Variants in TRAPPC8 observed in about 807,000 individuals in gnomAD.
The protein encoded by TRAPPC8 is trafficking protein particle complex subunit 8.
TRAPPC8 carries 54 observed loss-of-function variants against 174.3 expected under a neutral mutation model. The ratio of observed to expected loss-of-function variants is 0.31; its 90% CI spans 0.25 to 0.39. TRAPPC8 has a LOEUF of 0.39. Ranked by LOEUF, TRAPPC8 falls within the 10% of genes least tolerant of loss-of-function variation. The pLI is 1.00. For synonymous variants in TRAPPC8, 630 were observed against 579.9 expected (o/e 1.09, Z -1.24); for missense variants, 1,531 against 1,699.1 (o/e 0.90, Z 1.74).
intron 16 of TRAPPC8, 54 bp downstream of exon 16, chr18:31,870,318 G>T: frequency 6.6e-7 from 1 of 1,512,668 alleles, no homozygotes; most frequent in Non-Finnish European, 9.0e-7. Flanking sequence ...TGTTACTACA[G>T]CATTTGTTAG....
chr18:31,928,219 C>A, intron 2 of TRAPPC8, among the ~76,000 whole-genome samples: 1 of 150,996 alleles, frequency 6.6e-6, no homozygotes. Context: ...AATACATAGG[C>A]CAGGCACAGT....
intron 19 of TRAPPC8, 97 bp from the exon 20 acceptor site, chr18:31,858,079 G>A: frequency 1.0e-6 from 1 of 1,000,428 alleles, no homozygotes; most frequent in Non-Finnish European, 1.5e-6. Context: ...TTTTACCAAA[G>A]GTTTACAAGT....
intron 9 of TRAPPC8, among the ~76,000 whole-genome samples, chr18:31,902,163 A>ATTT (rs2036456401): frequency 1.3e-5 from 2 of 152,144 alleles, no homozygotes; most frequent in Admixed American, 1.3e-4. Context: ...AATAATACAA[A>ATTT]AATTCCTGAA....
At chr18:31,916,669 A>AT (rs1394973985) in intron 3 of TRAPPC8, among the ~76,000 whole-genome samples, 1 of 152,074 alleles carries the variant, frequency 6.6e-6, no homozygotes, top group Admixed American at 6.5e-5. Flanking sequence ...AGTAGCTGGG[A>AT]TTATAGGCGC....
At chr18:31,923,113 A>T (rs2037460389) in intron 2 of TRAPPC8, among the ~76,000 whole-genome samples, 1 of 152,222 alleles carries the variant, frequency 6.6e-6, no homozygotes, top group Non-Finnish European at 1.5e-5. Context: ...ATGCAGCCCA[A>T]AATATACCAT....
rs1217803988 is a variant in TRAPPC8 at position 31,830,979 on chromosome 18, G to C, written c.4084C>G (p.Leu1362Val). 2 of 1,611,888 alleles carry C rather than the reference G, an allele frequency of 1.2e-6. No homozygotes were observed. The highest frequency in any genetic ancestry group is 1.7e-5 in the Admixed American group (1 of 59,958). ...LRHKTTSPEA[L>V]EIHGSFTWLG... The stretch of plus-strand genomic sequence containing the variant: ...CATGTGAATGATCCATGGATTTCCA[G>C]TGCTTCTGGACTAAGGGAGGAGGAA... Residue 1362 changes from leucine (L) to valine (V), a missense_variant, in exon 29 of 29, where the codon CTG becomes GTG. Physicochemically the swap from Leu to Val is conservative, Grantham distance 32. Coordinates refer to ENST00000283351, the MANE Select transcript of TRAPPC8 (RefSeq NM_014939.5).
intron 12 of TRAPPC8, among the ~76,000 whole-genome samples, chr18:31,879,417 T>A (rs1291658838): frequency 1.3e-5 from 2 of 152,132 alleles, no homozygotes; most frequent in Non-Finnish European, 2.9e-5. Flanking sequence ...TTTAAAAAAA[T>A]TTTGAAACAA....
At chr18:31,915,193 G>A (rs1175018263) in intron 4 of TRAPPC8, among the ~76,000 whole-genome samples, 1 of 152,210 alleles carries the variant, frequency 6.6e-6, no homozygotes, top group Non-Finnish European at 1.5e-5. Context: ...ATAAGGCCAG[G>A]CGAGGTGGCT....
intron 20 of TRAPPC8, among the ~76,000 whole-genome samples, chr18:31,856,174 A>G (rs1402321174): frequency 6.6e-6 from 1 of 151,652 alleles, no homozygotes; most frequent in Non-Finnish European, 1.5e-5. Context: ...GGGTGATCTC[A>G]GCTCACCACT....
Position 31,942,777 on chromosome 18 carries a change from G to T in TRAPPC8, c.-13C>A. 1 of 1,412,732 alleles carries T rather than the reference G, an allele frequency of 7.1e-7. No homozygotes were observed. The highest frequency in any genetic ancestry group is 9.3e-7 in the Non-Finnish European group (1 of 1,074,086). 87.5% of individuals were successfully genotyped at this position (1,412,732 alleles called of 1,614,324 possible). A position where few individuals can be genotyped will look rare whatever the true frequency, so the allele number is the denominator to read the frequency against. On this transcript the variant is annotated 5_prime_UTR_variant, in exon 1 of 29. In the 5' UTR this introduces an upstream ATG that the reference lacks. Transcript: ENST00000283351. ...CACACTGGGCCATCGCCGCAGCACA[G>T]GCAGCGGCGGCGCCCGCCCTCCGGC...
intron 26 of TRAPPC8, among the ~76,000 whole-genome samples, chr18:31,845,362 T>C (rs1029329186): frequency 2.0e-5 from 3 of 151,770 alleles, no homozygotes; most frequent in Non-Finnish European, 4.4e-5. Flanking sequence ...AAAGAGCAAA[T>C]AGTTACATGG....
At chr18:31,926,328 T>A (rs1018660206) in intron 2 of TRAPPC8, 1 of 152,168 alleles carries the variant, frequency 6.6e-6, no homozygotes, top group African/African-American at 2.4e-5. Context: ...AATGAGAATA[T>A]ATGCAGTAAC....
intron 9 of TRAPPC8, among the ~76,000 whole-genome samples, chr18:31,903,602 C>T (rs536114095): frequency 3.9e-5 from 6 of 152,224 alleles, no homozygotes; most frequent in African/African-American, 1.4e-4. Flanking sequence ...GAGCTCACAA[C>T]GGCTTGCCTT....
intron 1 of TRAPPC8, among the ~76,000 whole-genome samples, chr18:31,933,215 G>A (rs934310556): frequency 6.6e-6 from 1 of 150,448 alleles, no homozygotes; most frequent in African/African-American, 2.5e-5. Context: ...GCAGGAGAAT[G>A]GTGTGAACCC....
chr18:31,863,425 G>A (rs1381828888), intron 19 of TRAPPC8, among the ~76,000 whole-genome samples: 2 of 152,028 alleles, frequency 1.3e-5, no homozygotes, highest in African/African-American at 2.4e-5. Flanking sequence ...CTGCAGAATT[G>A]TCTGTATTGA....
chr18:31,895,927 A>G (rs951614522), intron 11 of TRAPPC8: 9 of 152,236 alleles, frequency 5.9e-5, no homozygotes, highest in Non-Finnish European at 1.3e-4. Flanking sequence ...AAACTTTTGT[A>G]GAAGAATTAA....
At chr18:31,864,062 GTATTA>G (rs1568060403) in intron 19 of TRAPPC8, among the ~76,000 whole-genome samples, 1 of 147,464 alleles carries the variant, frequency 6.8e-6, no homozygotes, top group African/African-American at 2.5e-5. Context: ...TTTATATTAT[GTATTA>G]TATAATATAT....
At chr18:31,921,643 CTT>C (rs1318857475) in intron 2 of TRAPPC8, among the ~76,000 whole-genome samples, 1 of 150,434 alleles carries the variant, frequency 6.6e-6, no homozygotes, top group Non-Finnish European at 1.5e-5. Context: ...AAAAAGTTAT[CTT>C]TGAGATTTGA....
intron 28 of TRAPPC8, among the ~76,000 whole-genome samples, chr18:31,831,573 C>T (rs950388432): frequency 6.6e-6 from 1 of 152,000 alleles, no homozygotes; most frequent in Non-Finnish European, 1.5e-5. Flanking sequence ...CTTTTAACTC[C>T]TTAGTTAGCC....
Sources: gnomAD v4.1 joint callset for allele counts (sites outside exome capture counted in the v4.1 genomes callset) on GRCh38, gnomAD v4.1.1 for gene constraint, MANE v1.5 for transcripts, NCBI Gene and HGNC (gene_info 2026-07-23, HGNC 2026-07-21) for gene names.